DCLK1: variants seen among roughly 807,000 people sequenced by gnomAD.
DCLK1 encodes the protein serine/threonine-protein kinase DCLK1.
DCLK1 carries 16 observed loss-of-function variants against 86.2 expected under a neutral mutation model. The observed-to-expected ratio is 0.19, with a 90% CI of 0.13 to 0.28. The LOEUF is 0.28. Among genes scored for constraint, DCLK1 ranks in the 10% least tolerant of loss-of-function variants. The pLI is 1.00. For missense variants in DCLK1, 590 were observed against 940.2 expected (o/e 0.63, Z 4.87); for synonymous variants, 369 against 370.5 (o/e 1.00, Z 0.05).
chr13:35,776,738 G>T (rs1003760665), intron 16 of DCLK1, among the ~76,000 whole-genome samples: 1 of 152,182 alleles, frequency 6.6e-6, no homozygotes, highest in African/African-American at 2.4e-5. Context: ...TCATAGAAAA[G>T]CAATGTGCAC....
chr13:35,909,961 C>G (rs1419554686), intron 4 of DCLK1, among the ~76,000 whole-genome samples: 13 of 152,184 alleles, frequency 8.5e-5, no homozygotes, highest in Non-Finnish European at 4.4e-5. Flanking sequence ...GTCCTCTGTT[C>G]TCGCCCTGCC....
chr13:36,064,392 G>A (rs943964970), intron 3 of DCLK1, among the ~76,000 whole-genome samples: 4 of 152,154 alleles, frequency 2.6e-5, no homozygotes, highest in African/African-American at 9.7e-5. Flanking sequence ...TGGGCGTGGC[G>A]GCTCATGCCT....
chr13:36,130,760 G>T (rs1421333460), intron 1 of DCLK1, among the ~76,000 whole-genome samples: 1 of 152,142 alleles, frequency 6.6e-6, no homozygotes, highest in African/African-American at 2.4e-5. Flanking sequence ...AGCCAGTTCT[G>T]ACAATGACAA....
chr13:35,996,753 C>T (rs989677639), intron 3 of DCLK1, among the ~76,000 whole-genome samples: 1 of 152,174 alleles, frequency 6.6e-6, no homozygotes, highest in Admixed American at 6.6e-5. Flanking sequence ...ATGGAGAACC[C>T]TGATTAATAC....
intron 15 of DCLK1, among the ~76,000 whole-genome samples, chr13:35,798,012 G>T (rs1013769163): frequency 1.3e-5 from 2 of 152,186 alleles, no homozygotes; most frequent in African/African-American, 4.8e-5. Context: ...TTCTGGTTTG[G>T]TGGTAGTTTC....
intron 6 of DCLK1, chr13:35,846,679 A>C: frequency 1.0e-6 from 1 of 985,328 alleles, no homozygotes; most frequent in Non-Finnish European, 1.2e-6. Flanking sequence ...TATTTTTCAC[A>C]CTATGCCTCT....
intron 3 of DCLK1, among the ~76,000 whole-genome samples, chr13:35,990,757 T>C (rs1880184689): frequency 6.6e-6 from 1 of 151,282 alleles, no homozygotes; most frequent in South Asian, 2.1e-4. Context: ...AGACTTAAAA[T>C]GTTACTATTT....
At chr13:36,124,568 A>T (rs1238308694) in intron 2 of DCLK1, among the ~76,000 whole-genome samples, 2 of 152,218 alleles carry the variant, frequency 1.3e-5, no homozygotes, top group Admixed American at 6.5e-5. Flanking sequence ...GCAGGACAAG[A>T]GGGCTCTGTC....
chr13:36,006,974 C>T (rs1453782532), intron 3 of DCLK1, among the ~76,000 whole-genome samples: 3 of 152,190 alleles, frequency 2.0e-5, no homozygotes, highest in Non-Finnish European at 4.4e-5. Flanking sequence ...AGATTCATAA[C>T]ATAATGCTTT....
chr13:35,960,258 T>C (rs765988094), intron 3 of DCLK1, among the ~76,000 whole-genome samples: 1 of 152,116 alleles, frequency 6.6e-6, no homozygotes, highest in Non-Finnish European at 1.5e-5. Context: ...TAAAAATGAA[T>C]ACTCTCTCTC....
intron 1 of DCLK1, 65 bp from the exon 2 acceptor site, chr13:36,126,221 T>G (rs910258718): frequency 1.6e-6 from 2 of 1,268,962 alleles, no homozygotes; most frequent in Non-Finnish European, 2.0e-6. Flanking sequence ...ATATATATTT[T>G]TTTGTTTTTG....
At chr13:35,975,659 T>C (rs1410521631) in intron 3 of DCLK1, among the ~76,000 whole-genome samples, 1 of 150,242 alleles carries the variant, frequency 6.7e-6, no homozygotes, top group Non-Finnish European at 1.5e-5. Flanking sequence ...CGGGGATGAG[T>C]TTTCCCTAGG....
intron 4 of DCLK1, among the ~76,000 whole-genome samples, chr13:35,933,240 C>G (rs1465264674): frequency 6.6e-6 from 1 of 152,204 alleles, no homozygotes; most frequent in Non-Finnish European, 1.5e-5. Context: ...TACAGCTTCC[C>G]TCCCAGCTGC....
intron 2 of DCLK1, among the ~76,000 whole-genome samples, chr13:36,116,391 C>T (rs562432686): frequency 3.1e-5 from 3 of 95,260 alleles, no homozygotes; most frequent in South Asian, 8.7e-4. Flanking sequence ...AATATTTCCA[C>T]TTAAAATGGT....
intron 4 of DCLK1, among the ~76,000 whole-genome samples, chr13:35,871,715 T>C (rs1362350624): frequency 2.0e-5 from 3 of 152,162 alleles, no homozygotes; most frequent in Non-Finnish European, 4.4e-5. Context: ...AGGAAAATGT[T>C]AGAAGAAAGG....
At chr13:35,838,873 G>A (rs1220675643) in intron 7 of DCLK1, among the ~76,000 whole-genome samples, 25 of 152,066 alleles carry the variant, frequency 1.6e-4, no homozygotes, top group Non-Finnish European at 7.4e-5. Flanking sequence ...TCAGAGGATG[G>A]GAAATGTCTC....
At chr13:35,932,861 T>C (rs1326729186) in intron 4 of DCLK1, among the ~76,000 whole-genome samples, 1 of 152,224 alleles carries the variant, frequency 6.6e-6, no homozygotes, top group Non-Finnish European at 1.5e-5. Context: ...AAACCAATCA[T>C]GCCTTCCCAA....
chr13:36,035,180 C>G (rs9546219), intron 3 of DCLK1, among the ~76,000 whole-genome samples: 7,141 of 152,234 alleles, frequency 0.047, 170 homozygotes, highest in Middle Eastern at 0.092. Context: ...AATTCTCTCC[C>G]TTTCACTTGC....
intron 16 of DCLK1, among the ~76,000 whole-genome samples, chr13:35,780,036 CACA>C (rs1270549764): frequency 2.6e-5 from 4 of 151,476 alleles, no homozygotes; most frequent in African/African-American, 4.9e-5. Flanking sequence ...AATCCTGCAT[CACA>C]ACTTCAGAGT....
Sources: gnomAD v4.1 joint callset for allele counts (sites outside exome capture counted in the v4.1 genomes callset) on GRCh38, gnomAD v4.1.1 for gene constraint, MANE v1.5 for transcripts, NCBI Gene and HGNC (gene_info 2026-07-23, HGNC 2026-07-21) for gene names.